Variants in PIK3C2A observed in about 807,000 individuals in gnomAD.
PIK3C2A encodes the protein phosphatidylinositol-4-phosphate 3-kinase catalytic subunit type 2 alpha.
A neutral mutation model predicts 204.5 loss-of-function variants in PIK3C2A; 97 were observed. The observed-to-expected ratio is 0.47, with a 90% confidence interval of 0.40 to 0.56. PIK3C2A has a LOEUF of 0.56. PIK3C2A is among the 20% of genes least tolerant of loss of function. The pLI is 0.00. For missense variants in PIK3C2A, 1,735 were observed against 1,969.2 expected, an observed-to-expected ratio of 0.88 and a Z score of 2.25; for synonymous variants, 653 against 664.4, an observed-to-expected ratio of 0.98 and a Z score of 0.26.
chr11:17,153,635 A>T (rs1850489822), intron 3 of PIK3C2A, among the ~76,000 whole-genome samples: 1 of 152,192 alleles, frequency 6.6e-6, no homozygotes, highest in Admixed American at 6.5e-5. Context: ...AATTTCACAG[A>T]TGAGAAACAA....
intron 18 of PIK3C2A, among the ~76,000 whole-genome samples, 167 bp from the exon 19 acceptor site, chr11:17,117,838 C>T (rs948900729): frequency 2.6e-5 from 4 of 151,104 alleles, no homozygotes; most frequent in Non-Finnish European, 5.9e-5. Context: ...CTCAGCCTCC[C>T]GAATAGCTGG....
At chr11:17,184,659 G>T (rs1259706772) in intron 1 of PIK3C2A, among the ~76,000 whole-genome samples, 1 of 152,170 alleles carries the variant, frequency 6.6e-6, no homozygotes, top group Non-Finnish European at 1.5e-5. Flanking sequence ...AAATGGCTGG[G>T]GATGGTGTCT....
chr11:17,179,880 G>A (rs1851475715), intron 1 of PIK3C2A, among the ~76,000 whole-genome samples: 1 of 152,072 alleles, frequency 6.6e-6, no homozygotes, highest in Admixed American at 6.6e-5. Context: ...CAAATCACTG[G>A]GATTACAGTG....
intron 1 of PIK3C2A, among the ~76,000 whole-genome samples, chr11:17,175,372 T>C (rs540459213): frequency 6.6e-6 from 1 of 152,344 alleles, no homozygotes; most frequent in South Asian, 2.1e-4. Flanking sequence ...CATGCATGTA[T>C]ACTAAAATGG....
chr11:17,167,450 C>T (rs1248521751), intron 2 of PIK3C2A, among the ~76,000 whole-genome samples: 1 of 152,066 alleles, frequency 6.6e-6, no homozygotes, highest in African/African-American at 2.4e-5. Flanking sequence ...TGGAGAAACC[C>T]GGTTTCTACT....
At chr11:17,097,006 G>C (rs375520262) in intron 27 of PIK3C2A, 51 bp downstream of exon 27, 43 of 1,075,118 alleles carry the variant, frequency 4.0e-5, no homozygotes, top group Non-Finnish European at 6.1e-5. Flanking sequence ...AAGTAGAAAG[G>C]ACAACAATAA....
At chr11:17,153,594 G>C (rs1850488615) in intron 3 of PIK3C2A, among the ~76,000 whole-genome samples, 1 of 152,132 alleles carries the variant, frequency 6.6e-6, no homozygotes, top group East Asian at 1.9e-4. Flanking sequence ...TAAACTGAAA[G>C]AGATCTTTGA....
chr11:17,119,148 G>C (rs1316178935), intron 17 of PIK3C2A, 72 bp downstream of exon 17: 1 of 848,812 alleles, frequency 1.2e-6, no homozygotes, highest in African/African-American at 1.7e-5. Context: ...AACAGAATGG[G>C]GATCCCTTAG....
chr11:17,148,902 T>C, intron 4 of PIK3C2A, 115 bp from the exon 5 acceptor site: 1 of 690,700 alleles, frequency 1.4e-6, no homozygotes. Flanking sequence ...TCCACAAATG[T>C]AGGCCACATA....
chr11:17,130,439 A>T (rs1849656623), intron 12 of PIK3C2A, among the ~76,000 whole-genome samples: 1 of 152,212 alleles, frequency 6.6e-6, no homozygotes, highest in Non-Finnish European at 1.5e-5. Context: ...ACATTTAATA[A>T]ATGTGGAACG....
At chr11:17,120,819 T>C (rs1317337833) in intron 15 of PIK3C2A, among the ~76,000 whole-genome samples, 1 of 152,198 alleles carries the variant, frequency 6.6e-6, no homozygotes, top group Non-Finnish European at 1.5e-5. Flanking sequence ...ATTTATTTTA[T>C]TTTTGTTTGA....
rs752006878 is a variant in PIK3C2A, at chr11:17,117,538, C to T, written c.3169G>A (p.Gly1057Arg). The change falls in exon 19 of 33, where the codon GGA (glycine) becomes AGA (arginine). Residue 1057 changes from glycine to arginine, a missense_variant. By Grantham distance (125) the Gly-to-Arg change is moderately radical (BLOSUM62 -2). This residue lies in a region of PIK3C2A where 567 missense variants were observed against 576.0 expected (regional missense o/e 0.98). Coordinates refer to ENST00000691414, the MANE Select transcript of PIK3C2A (RefSeq NM_002645.4). ...TGCCTTACTTTTTCTGCTACTCCTCCTAAAAGCTGTACAAGTTTCGTCTGT... is the reference window on the plus strand; with the variant it reads ...TGCCTTACTTTTTCTGCTACTCCTCTTAAAAGCTGTACAAGTTTCGTCTGT... Reference protein sequence around the residue: ...LKQTKLVQLLGGVAEKVRQAS... With the variant: ...LKQTKLVQLLRGVAEKVRQAS... 22 of 1,613,822 alleles carry T rather than the reference C, an allele frequency of 1.4e-5. No homozygotes were observed. The highest frequency in any genetic ancestry group is 1.8e-5 in the Non-Finnish European group (21 of 1,179,908).
intron 12 of PIK3C2A, among the ~76,000 whole-genome samples, chr11:17,131,089 G>A (rs1465025497): frequency 3.3e-5 from 5 of 152,268 alleles, no homozygotes; most frequent in African/African-American, 1.2e-4. Context: ...TCAGGAGGCT[G>A]AGACAGGAGA....
intron 1 of PIK3C2A, among the ~76,000 whole-genome samples, chr11:17,202,883 C>T (rs1275132177): frequency 6.6e-6 from 1 of 152,172 alleles, no homozygotes; most frequent in Admixed American, 6.5e-5. Context: ...CATTGCACAT[C>T]AGTCATATCA....
intron 1 of PIK3C2A, among the ~76,000 whole-genome samples, chr11:17,171,975 T>C (rs10832741): frequency 0.052 from 7,936 of 152,290 alleles, 263 homozygotes; most frequent in African/African-American, 0.081. Flanking sequence ...AAATATGTGA[T>C]TAGACAGGTA....
intron 2 of PIK3C2A, among the ~76,000 whole-genome samples, chr11:17,164,228 T>C (rs1850873645): frequency 6.6e-6 from 1 of 151,952 alleles, no homozygotes; most frequent in African/African-American, 2.4e-5. Context: ...GGCGTGTACC[T>C]ATAGTCCCAG....
intron 1 of PIK3C2A, among the ~76,000 whole-genome samples, chr11:17,183,582 G>GAGGC (rs1851642245): frequency 6.6e-6 from 1 of 152,256 alleles, no homozygotes; most frequent in South Asian, 2.1e-4. Flanking sequence ...TTGGGAGGCT[G>GAGGC]AGGCAGGAGA....
At chr11:17,106,836 T>A (rs2137301559) in intron 22 of PIK3C2A, among the ~76,000 whole-genome samples, 1 of 152,350 alleles carries the variant, frequency 6.6e-6, no homozygotes, top group East Asian at 1.9e-4. Context: ...ACAAAAAAAT[T>A]TCTTTAATCA....
At chr11:17,186,862 G>T (rs1851769731) in intron 1 of PIK3C2A, among the ~76,000 whole-genome samples, 1 of 152,184 alleles carries the variant, frequency 6.6e-6, no homozygotes, top group Non-Finnish European at 1.5e-5. Flanking sequence ...GTCAGGAATT[G>T]AAGCCCAGGA....
Sources: gnomAD v4.1 joint callset for allele counts (sites outside exome capture counted in the v4.1 genomes callset) on GRCh38, gnomAD v4.1.1 for gene constraint, gnomAD v4.1.1 regional missense constraint, MANE v1.5 for transcripts, NCBI Gene and HGNC (gene_info 2026-07-23, HGNC 2026-07-21) for gene names.